The following ARMH3 variants were observed in gnomAD, a reference collection of about 807,000 sequenced individuals.
The protein encoded by ARMH3 is armadillo like helical domain containing 3.
In ARMH3, 60 loss-of-function variants were observed where a neutral mutation model predicts 99.1. The observed-to-expected ratio is 0.61, with a 90% CI of 0.49 to 0.75. The LOEUF (loss-of-function observed/expected upper bound fraction) is 0.75, where lower values mean the gene tolerates loss of function less well. ARMH3 is among the 30% of genes least tolerant of loss of function. The pLI is 0.00. For missense variants in ARMH3, 679 were observed against 843.1 expected (o/e 0.81, Z 2.41); for synonymous variants, 285 against 292.8 (o/e 0.97, Z 0.27).
At chr10:102,055,327 A>T (rs1011603571) in intron 1 of ARMH3, among the ~76,000 whole-genome samples, 8 of 135,262 alleles carry the variant, frequency 5.9e-5, no homozygotes, top group Admixed American at 3.6e-4. Context: ...ATAAATAAAT[A>T]AAATAAAATA....
intron 24 of ARMH3, among the ~76,000 whole-genome samples, chr10:101,875,494 T>C (rs2067238784): frequency 6.6e-6 from 1 of 152,218 alleles, no homozygotes; most frequent in African/African-American, 2.4e-5. Flanking sequence ...AGCCACCCTG[T>C]ATATAATAGG....
rs1468476164 is a variant in ARMH3, at chr10:101,931,340, T to C, written c.1781+8523A>G. Among the ~76,000 whole-genome samples the C allele has an allele frequency of 4.6e-5, 7 of 152,220 alleles. No individual in the cohort carries two copies. The East Asian group carries it at 1.2e-3, about 25-fold the overall frequency. On this transcript the variant is annotated intron_variant, in intron 23 of 25. Transcript: ENST00000370033. The stretch of plus-strand genomic sequence containing the variant: ...TAGTTCAAGACCAGCCTGGCCAACA[T>C]GGTGAAACCCTGTCTCTACTAAAAA...
intron 20 of ARMH3, among the ~76,000 whole-genome samples, 163 bp downstream of exon 20, chr10:101,975,049 T>TAAAAAAAAAAAAAAAAAAAAAAAAAAGAA (rs11399489): frequency 3.4e-5 from 1 of 29,666 alleles, no homozygotes; most frequent in Non-Finnish European, 6.0e-5. Flanking sequence ...AGCTAAAACG[T>TAAAAAAAAAAAAAAAAAAAAAAAAAAGAA]AAAAAAAAAA....
intron 23 of ARMH3, chr10:101,913,055 A>T (rs527451969): frequency 1.3e-5 from 2 of 152,324 alleles, no homozygotes; most frequent in Admixed American, 6.5e-5. Context: ...ATCATAGCTC[A>T]CTGCAGCCTT....
At chr10:101,964,168 GC>G (rs1310257086) in intron 20 of ARMH3, among the ~76,000 whole-genome samples, 1 of 152,036 alleles carries the variant, frequency 6.6e-6, no homozygotes, top group Non-Finnish European at 1.5e-5. Context: ...AAGCCACTGC[GC>G]CCGGCAATTT....
At chr10:101,931,274 C>T (rs1236065632) in intron 23 of ARMH3, among the ~76,000 whole-genome samples, 1 of 152,168 alleles carries the variant, frequency 6.6e-6, no homozygotes. Context: ...CGCCTGTAAT[C>T]CCAACACTTT....
In ARMH3 at chr10:102,007,159, C is replaced by CAAAA. The variant is rs10639768; in HGVS notation, c.955-530_955-527dup. 2.0e-3 allele frequency among the ~76,000 whole-genome samples: 119 copies of CAAAA among 60,044 alleles called. 4 individuals carry two copies. The highest frequency in any genetic ancestry group is 5.5e-3 in the South Asian group (7 of 1,270). The allele number at this position is 60,044 out of a possible 152,430, so 39.4% of individuals were successfully genotyped here. Reference sequence around the variant, plus strand: ...CTGGTGACACAGCAAGACTCTATCTCAAAAAAAAAAAAAAAAAAAGAAAAA... The same window carrying CAAAA: ...CTGGTGACACAGCAAGACTCTATCTCAAAAAAAAAAAAAAAAAAAAAAAGAAAAA... On this transcript the variant is annotated intron_variant, in intron 13 of 25. Transcript: ENST00000370033.
chr10:101,915,764 C>T (rs1384617245), intron 23 of ARMH3, among the ~76,000 whole-genome samples: 11 of 149,154 alleles, frequency 7.4e-5, no homozygotes, highest in African/African-American at 2.7e-4. Flanking sequence ...GAAGTTAGTT[C>T]TGGGACAGCA....
At chr10:101,877,969 C>G (rs770925300) in intron 24 of ARMH3, among the ~76,000 whole-genome samples, 21 of 151,938 alleles carry the variant, frequency 1.4e-4, no homozygotes, top group Non-Finnish European at 2.4e-4. Context: ...TTAAAATTCA[C>G]TGTGCTGGCT....
chr10:101,855,884 T>C (rs1210916875), intron 24 of ARMH3, among the ~76,000 whole-genome samples: 1 of 151,694 alleles, frequency 6.6e-6, no homozygotes, highest in African/African-American at 2.4e-5. Context: ...CCAGAAAGAT[T>C]GTAAATTGCC....
chr10:101,992,203 GC>G (rs1455401287), intron 17 of ARMH3, among the ~76,000 whole-genome samples, 165 bp from the exon 18 acceptor site: 1 of 152,164 alleles, frequency 6.6e-6, no homozygotes, highest in Admixed American at 6.6e-5. Flanking sequence ...ATGGGATGAG[GC>G]GGGGAAGGGA....
chr10:102,054,322 G>A (rs546350292), intron 1 of ARMH3, among the ~76,000 whole-genome samples: 2 of 151,882 alleles, frequency 1.3e-5, no homozygotes, highest in East Asian at 3.9e-4. Flanking sequence ...CCGAGAGACG[G>A]AGGTTGCAGT....
chr10:102,028,202 T>A (rs532054985), intron 5 of ARMH3, among the ~76,000 whole-genome samples: 1 of 152,038 alleles, frequency 6.6e-6, no homozygotes, highest in Non-Finnish European at 1.5e-5. Context: ...AAATATAGAG[T>A]TACCATGTGA....
rs78356971 is a variant in ARMH3, at chr10:101,980,215, T to C, written c.1407-4915A>G. Among the ~76,000 whole-genome samples the C allele has an allele frequency of 9.3e-3, 1,418 of 152,310 alleles. 18 individuals are homozygous for C. Among genetic ancestry groups the C allele is most frequent in the African/African-American group, 0.032 (1,348 of 41,554 alleles). On this transcript the variant is annotated intron_variant, in intron 19 of 25. Transcript: ENST00000370033. ...GCTTAAGTCTTATTATACTAAGCTATAAAGTTCCTAGAAAACTGAACCTAG... is the reference window on the plus strand; with the variant it reads ...GCTTAAGTCTTATTATACTAAGCTACAAAGTTCCTAGAAAACTGAACCTAG...
intron 22 of ARMH3, among the ~76,000 whole-genome samples, chr10:101,947,942 A>G (rs1019019774): frequency 6.6e-6 from 1 of 152,164 alleles, no homozygotes; most frequent in African/African-American, 2.4e-5. Context: ...ACTGCTAAAA[A>G]ATACAAATAT....
intron 22 of ARMH3, among the ~76,000 whole-genome samples, chr10:101,947,405 C>G (rs982723928): frequency 6.6e-6 from 1 of 151,938 alleles, no homozygotes; most frequent in East Asian, 1.9e-4. Flanking sequence ...GAGGTTGAGG[C>G]AGGAGGATCA....
intron 19 of ARMH3, among the ~76,000 whole-genome samples, chr10:101,984,840 G>A (rs1294630666): frequency 6.6e-6 from 1 of 152,002 alleles, no homozygotes; most frequent in Non-Finnish European, 1.5e-5. Flanking sequence ...GGAGGATGAG[G>A]CAGGTCGATC....
chr10:102,030,228 A>T (rs1199371737), intron 4 of ARMH3, among the ~76,000 whole-genome samples: 1 of 152,052 alleles, frequency 6.6e-6, no homozygotes, highest in African/African-American at 2.4e-5. Flanking sequence ...GCCCAGTCTG[A>T]GTCTCAGTAT....
At chr10:101,874,062 T>G (rs1166268368) in intron 24 of ARMH3, among the ~76,000 whole-genome samples, 1 of 152,168 alleles carries the variant, frequency 6.6e-6, no homozygotes. Context: ...CATATTGCAT[T>G]AGTTTATTTA....
Sources: gnomAD v4.1 joint callset for allele counts (sites outside exome capture counted in the v4.1 genomes callset) on GRCh38, gnomAD v4.1.1 for gene constraint, MANE v1.5 for transcripts, NCBI Gene and HGNC (gene_info 2026-07-23, HGNC 2026-07-21) for gene names.